Variants in JAZF1 observed in about 807,000 individuals in gnomAD.
The protein encoded by JAZF1 is JAZF zinc finger 1.
In JAZF1, 8 loss-of-function variants were observed where a neutral mutation model predicts 26.4. The observed-to-expected ratio is 0.30, with a 90% confidence interval of 0.18 to 0.55. The LOEUF (loss-of-function observed/expected upper bound fraction) is 0.55. Among genes scored for constraint, JAZF1 ranks in the 20% least tolerant of loss-of-function variants. The pLI, the probability that JAZF1 is intolerant of heterozygous loss-of-function variation, is 0.94. For synonymous variants in JAZF1, 126 were observed against 122.3 expected (o/e 1.03, Z -0.20); for missense variants, 199 against 322.0 (o/e 0.62, Z 2.92).
chr7:28,132,789 A>T (rs1782817472), intron 1 of JAZF1, among the ~76,000 whole-genome samples: 1 of 152,218 alleles, frequency 6.6e-6, no homozygotes, highest in Non-Finnish European at 1.5e-5. Context: ...TTAGCTCTCA[A>T]TGTATAAATA....
At chr7:28,106,138 G>T (rs1337319322) in intron 1 of JAZF1, among the ~76,000 whole-genome samples, 2 of 152,174 alleles carry the variant, frequency 1.3e-5, no homozygotes, top group East Asian at 1.9e-4. Flanking sequence ...CTTTATTTAT[G>T]ATAGTAAAAC....
chr7:28,091,187 CAG>C (rs1231316288), intron 1 of JAZF1, among the ~76,000 whole-genome samples: 2 of 151,958 alleles, frequency 1.3e-5, no homozygotes, highest in Non-Finnish European at 1.5e-5. Flanking sequence ...CTAATTATAT[CAG>C]GGGAAATAAT....
intron 3 of JAZF1, among the ~76,000 whole-genome samples, chr7:27,857,315 C>T (rs537998119): frequency 5.9e-5 from 9 of 152,326 alleles, no homozygotes; most frequent in South Asian, 2.1e-4. Flanking sequence ...GTGCGGGGAC[C>T]GCCGAGCCCA....
chr7:27,899,200 C>T (rs997779389), intron 2 of JAZF1, among the ~76,000 whole-genome samples: 1 of 152,200 alleles, frequency 6.6e-6, no homozygotes, highest in Non-Finnish European at 1.5e-5. Context: ...TGGCAAGGAG[C>T]CATTTGGGGA....
chr7:27,969,728 T>C (rs1785342938), intron 2 of JAZF1, among the ~76,000 whole-genome samples: 2 of 152,180 alleles, frequency 1.3e-5, no homozygotes, highest in African/African-American at 2.4e-5. Context: ...ACAGTCTGTA[T>C]GTCTGGTTAA....
chr7:28,085,117 T>G lies in JAZF1; in HGVS notation c.116-93136A>C, dbSNP rs1784194266. Among the ~76,000 whole-genome samples, 4 of 152,350 alleles carry G rather than the reference T, an allele frequency of 2.6e-5. No homozygotes were observed. The South Asian group carries it at 8.3e-4, about 32-fold the overall frequency. The stretch of plus-strand genomic sequence containing the variant: ...AAATTACCCAGTATCATGTATTCTG[T>G]TGTGTGCAACATTGTCTTGCCAAGG... On this transcript the variant is annotated intron_variant, in intron 1 of 4. Transcript: ENST00000283928.
At chr7:27,982,147 G>A (rs961925448) in intron 2 of JAZF1, among the ~76,000 whole-genome samples, 12 of 152,162 alleles carry the variant, frequency 7.9e-5, no homozygotes, top group African/African-American at 2.9e-4. Flanking sequence ...GGAGCAGGGC[G>A]GGGCATCACC....
chr7:28,039,832 A>G (rs1270783932), intron 1 of JAZF1, among the ~76,000 whole-genome samples: 1 of 152,236 alleles, frequency 6.6e-6, no homozygotes, highest in East Asian at 1.9e-4. Context: ...CACAAAATAC[A>G]GACGTGGGGA....
chr7:28,029,183 C>T (rs1486852107), intron 1 of JAZF1, among the ~76,000 whole-genome samples: 1 of 152,136 alleles, frequency 6.6e-6, no homozygotes, highest in African/African-American at 2.4e-5. Flanking sequence ...ATTCCCAGCA[C>T]AGGACTCATT....
chr7:27,917,005 G>A (rs997589336), intron 2 of JAZF1, among the ~76,000 whole-genome samples: 14 of 152,188 alleles, frequency 9.2e-5, no homozygotes, highest in Non-Finnish European at 1.5e-4. Context: ...TTGGGAGGCC[G>A]AGGTGGGAGG....
intron 2 of JAZF1, among the ~76,000 whole-genome samples, chr7:27,988,812 C>T (rs565686858): frequency 1.8e-3 from 270 of 149,206 alleles, no homozygotes; most frequent in Middle Eastern, 3.5e-3. Flanking sequence ...ATGGAACACG[C>T]ATGTTTCAAG....
intron 2 of JAZF1, among the ~76,000 whole-genome samples, chr7:27,968,294 C>G (rs577022355): frequency 6.6e-6 from 1 of 152,236 alleles, no homozygotes; most frequent in Admixed American, 6.5e-5. Context: ...AACTCACAGT[C>G]ACATAATAAA....
At chr7:27,845,630 G>C (rs1783010196) in intron 3 of JAZF1, among the ~76,000 whole-genome samples, 1 of 149,418 alleles carries the variant, frequency 6.7e-6, no homozygotes, top group Non-Finnish European at 1.5e-5. Context: ...CCGGGAGGCA[G>C]AGGTTGCAGT....
chr7:27,845,643 G>A lies in JAZF1; in HGVS notation c.386-4776C>T, dbSNP rs1490400598. Among the ~76,000 whole-genome samples, 3 of 146,638 alleles carry A rather than the reference G, an allele frequency of 2.0e-5. No homozygotes were observed. In the East Asian group the frequency reaches 6.0e-4, roughly 29 times the overall value. On this transcript the variant is annotated intron_variant, in intron 3 of 4. Coordinates refer to ENST00000283928, the MANE Select transcript of JAZF1 (RefSeq NM_175061.4). ...ACCCGGGAGGCAGAGGTTGCAGTGAGCCAAGATGGCGCCATTGCACTCCAG... is the reference window on the plus strand; with the variant it reads ...ACCCGGGAGGCAGAGGTTGCAGTGAACCAAGATGGCGCCATTGCACTCCAG...
At chr7:27,844,288 AGCCT>A (rs1438727015) in intron 3 of JAZF1, 4 of 152,272 alleles carry the variant, frequency 2.6e-5, no homozygotes, top group Admixed American at 6.5e-5. Context: ...CCCCTGGGCC[AGCCT>A]CTGTCCTCTG....
chr7:28,044,436 T>C (rs1783458140), intron 1 of JAZF1, among the ~76,000 whole-genome samples: 1 of 152,162 alleles, frequency 6.6e-6, no homozygotes, highest in African/African-American at 2.4e-5. Context: ...GCAGTTCCTA[T>C]GGACTGGACA....
chr7:27,893,528 A>C (rs1477358443), intron 3 of JAZF1, among the ~76,000 whole-genome samples: 2 of 152,166 alleles, frequency 1.3e-5, no homozygotes, highest in Non-Finnish European at 2.9e-5. Flanking sequence ...GAGCCTTTGC[A>C]GAATGTTCCC....
chr7:28,052,865 C>T (rs750053273), intron 1 of JAZF1, among the ~76,000 whole-genome samples: 28 of 151,676 alleles, frequency 1.8e-4, no homozygotes, highest in Middle Eastern at 3.4e-3. Context: ...TTAAATTTTA[C>T]CATCTTAACC....
intron 1 of JAZF1, chr7:27,992,269 A>G (rs1785922991): frequency 4.0e-6 from 2 of 506,118 alleles, no homozygotes; most frequent in South Asian, 1.6e-5. Flanking sequence ...CACTGCTTAC[A>G]GTTACAATGT....
Sources: allele counts gnomAD v4.1 joint callset (sites outside exome capture counted in the v4.1 genomes callset), GRCh38; gene constraint gnomAD v4.1.1; transcripts MANE v1.5; gene names NCBI Gene and HGNC (gene_info 2026-07-23, HGNC 2026-07-21).